The following FAF1 variants were observed in gnomAD, a reference collection of about 807,000 sequenced individuals.
FAF1 encodes Fas associated factor 1, also known as FAS-associated factor 1.
Under a neutral mutation model 92.5 loss-of-function variants are expected in FAF1, and 25 were observed. The ratio of observed to expected loss-of-function variants is 0.27; its 90% CI spans 0.20 to 0.38. FAF1 has a LOEUF of 0.38. Among genes scored for constraint, FAF1 ranks in the 10% least tolerant of loss-of-function variants. The probability of loss-of-function intolerance (pLI) is 1.00; values close to 1 mark genes in which losing one functional copy is unlikely to be tolerated. For missense variants in FAF1, 636 were observed against 793.3 expected (o/e 0.80, Z 2.38); for synonymous variants, 234 against 273.2 (o/e 0.86, Z 1.42).
At chr1:50,682,610 T>G (rs1409589139) in intron 7 of FAF1, among the ~76,000 whole-genome samples, 2 of 152,230 alleles carry the variant, frequency 1.3e-5, no homozygotes, top group African/African-American at 2.4e-5. Context: ...GGTAACTGAT[T>G]AGCCTACTTA....
At chr1:50,650,284 C>CAAA (rs1213490969) in intron 8 of FAF1, among the ~76,000 whole-genome samples, 34 of 84,218 alleles carry the variant, frequency 4.0e-4, no homozygotes, top group African/African-American at 1.4e-3. Context: ...AACTCTGTCT[C>CAAA]AAAAAAAAAA....
At chr1:50,667,749 A>G (rs1655698393) in intron 7 of FAF1, among the ~76,000 whole-genome samples, 1 of 152,194 alleles carries the variant, frequency 6.6e-6, no homozygotes, top group South Asian at 2.1e-4. Flanking sequence ...TTCTTAATCC[A>G]TTTTCCTTTT....
chr1:50,819,788 C>CGTATATATATATACATATATAT (rs1185592168), intron 2 of FAF1, among the ~76,000 whole-genome samples: 1 of 54,202 alleles, frequency 1.8e-5, no homozygotes, highest in African/African-American at 6.8e-5. Flanking sequence ...CATATATATA[C>CGTATATATATATACATATATAT]ATATATATAT....
At chr1:50,832,130 T>C (rs575018579) in intron 2 of FAF1, among the ~76,000 whole-genome samples, 1 of 152,236 alleles carries the variant, frequency 6.6e-6, no homozygotes, top group South Asian at 2.1e-4. Flanking sequence ...TATTTCATTA[T>C]ACATTACAAT....
intron 4 of FAF1, among the ~76,000 whole-genome samples, chr1:50,766,290 T>C (rs1248209820): frequency 2.0e-5 from 3 of 152,334 alleles, no homozygotes; most frequent in Non-Finnish European, 2.9e-5. Flanking sequence ...CTGCCTCCAT[T>C]CATTTCTTTC....
At chr1:50,590,699 T>C (rs1480756127) in intron 9 of FAF1, among the ~76,000 whole-genome samples, 2 of 152,180 alleles carry the variant, frequency 1.3e-5, no homozygotes, top group Non-Finnish European at 2.9e-5. Context: ...GGGTCATTCT[T>C]GGCCGGGCGC....
At chr1:50,539,812 A>G in intron 13 of FAF1, 84 bp from the exon 14 acceptor site, 1 of 974,814 alleles carries the variant, frequency 1.0e-6, no homozygotes, top group Non-Finnish European at 1.6e-6. Context: ...TCATTGTGTT[A>G]TTAGTTATGT....
chr1:50,797,480 G>C (rs1661805144), intron 3 of FAF1, among the ~76,000 whole-genome samples: 1 of 152,012 alleles, frequency 6.6e-6, no homozygotes, highest in African/African-American at 2.4e-5. Flanking sequence ...GTGGGAGGAT[G>C]GCTTGAACCC....
intron 18 of FAF1, among the ~76,000 whole-genome samples, chr1:50,450,584 A>G (rs1307270208): frequency 1.3e-5 from 2 of 152,234 alleles, no homozygotes; most frequent in Non-Finnish European, 2.9e-5. Context: ...TTGGTGTTCC[A>G]AACAGGAACT....
chr1:50,670,451 T>C lies in FAF1; in HGVS notation c.658-14923A>G, dbSNP rs569368474. ...GACCCTATTGGACAATATATTGATA[T>C]TACTTAAGAAAGTAGAAAATATAGA... On this transcript the variant is annotated intron_variant, in intron 7 of 18. Transcript: ENST00000396153. Among the ~76,000 whole-genome samples the C allele has an allele frequency of 2.9e-3, 435 of 152,142 alleles. 2 individuals are homozygous for C. The highest frequency in any genetic ancestry group is 0.01 in the African/African-American group (419 of 41,506).
intron 1 of FAF1, among the ~76,000 whole-genome samples, chr1:50,907,678 T>C (rs190169852): frequency 9.3e-4 from 142 of 152,332 alleles, no homozygotes; most frequent in African/African-American, 3.2e-3. Flanking sequence ...GAGTTGTTTA[T>C]AGTATTCTCT....
At chr1:50,490,462 A>AGGAAGGAAGGAG (rs1557966782) in intron 17 of FAF1, 126 bp downstream of exon 17, 6 of 568,268 alleles carry the variant, frequency 1.1e-5, no homozygotes, top group South Asian at 1.9e-5. Flanking sequence ...GAAGGAAGGA[A>AGGAAGGAAGGAG]AAAGAAAGAA....
At chr1:50,540,627 T>C (rs2149040696) in intron 13 of FAF1, among the ~76,000 whole-genome samples, 1 of 152,306 alleles carries the variant, frequency 6.6e-6, no homozygotes, top group African/African-American at 2.4e-5. Flanking sequence ...AAAAAACTGA[T>C]AAAGCTTTTC....
At chr1:50,928,625 T>C (rs1287594698) in intron 1 of FAF1, among the ~76,000 whole-genome samples, 2 of 150,174 alleles carry the variant, frequency 1.3e-5, no homozygotes, top group Non-Finnish European at 3.0e-5. Context: ...CTACTAAAAA[T>C]ACAAAGTATC....
chr1:50,695,677 C>T (rs774867880), intron 7 of FAF1, among the ~76,000 whole-genome samples: 2 of 152,122 alleles, frequency 1.3e-5, no homozygotes, highest in Non-Finnish European at 2.9e-5. Flanking sequence ...GACAGAGTCT[C>T]GCTCTTGTCA....
chr1:50,541,477 G>GT (rs1413885320), intron 13 of FAF1, among the ~76,000 whole-genome samples: 1 of 152,036 alleles, frequency 6.6e-6, no homozygotes, highest in East Asian at 1.9e-4. Context: ...TGTATAGATC[G>GT]TGAGATTAGA....
intron 8 of FAF1, among the ~76,000 whole-genome samples, chr1:50,620,948 T>C (rs1234175034): frequency 2.0e-5 from 3 of 152,242 alleles, no homozygotes; most frequent in Non-Finnish European, 2.9e-5. Context: ...TTGTTAGGTG[T>C]TCCGGGCCAT....
intron 17 of FAF1, among the ~76,000 whole-genome samples, chr1:50,487,495 G>T (rs1177858739): frequency 1.3e-5 from 2 of 152,128 alleles, no homozygotes; most frequent in African/African-American, 4.8e-5. Flanking sequence ...TCTTGAAACT[G>T]ATTTTGGAAA....
At chr1:50,769,123 C>A (rs552378409) in intron 4 of FAF1, among the ~76,000 whole-genome samples, 43 of 151,812 alleles carry the variant, frequency 2.8e-4, no homozygotes, top group African/African-American at 1.0e-3. Flanking sequence ...GACATTACCA[C>A]CAAACCCACA....
Sources: allele counts gnomAD v4.1 joint callset (sites outside exome capture counted in the v4.1 genomes callset), GRCh38; gene constraint gnomAD v4.1.1; transcripts MANE v1.5; gene names NCBI Gene and HGNC (gene_info 2026-07-23, HGNC 2026-07-21).